TASP1: variants seen among roughly 807,000 people sequenced by gnomAD.
TASP1 encodes taspase 1.
A neutral mutation model predicts 56.6 loss-of-function variants in TASP1; 16 were observed. The observed-to-expected ratio is 0.28, with a 90% CI of 0.19 to 0.43. The LOEUF is 0.43. Among genes scored for constraint, TASP1 ranks in the 20% least tolerant of loss-of-function variants. The probability of loss-of-function intolerance (pLI) is 1.00; values close to 1 mark genes in which losing one functional copy is unlikely to be tolerated. For missense variants in TASP1, 393 were observed against 511.6 expected (o/e 0.77, Z 2.24); for synonymous variants, 179 against 184.2 (o/e 0.97, Z 0.23).
At chr20:13,139,276 T>C in the TASP1 span, among the ~76,000 whole-genome samples, 1 of 152,226 alleles carries the variant, frequency 6.6e-6, no homozygotes, top group Admixed American at 6.5e-5. Flanking sequence ...TATTGGGATT[T>C]TGAGTCTTTG....
At chr20:13,317,329 T>C in the TASP1 span, among the ~76,000 whole-genome samples, 3 of 151,974 alleles carry the variant, frequency 2.0e-5, no homozygotes, top group African/African-American at 7.2e-5. Flanking sequence ...ATACTCCATG[T>C]TAGGGAGGCT....
the TASP1 span, among the ~76,000 whole-genome samples, chr20:13,124,577 G>C: frequency 6.6e-6 from 1 of 152,080 alleles, no homozygotes; most frequent in Admixed American, 6.5e-5. Flanking sequence ...ACGGGTGAAA[G>C]GGGGGGATTC....
the TASP1 span, among the ~76,000 whole-genome samples, chr20:13,379,904 T>C: frequency 6.6e-6 from 1 of 152,248 alleles, no homozygotes; most frequent in Non-Finnish European, 1.5e-5. Flanking sequence ...GTTCTTGTGC[T>C]GGGTTTTTCA....
chr20:13,590,076 ACAAAAAT>A (rs2047464226), intron 4 of TASP1, among the ~76,000 whole-genome samples: 1 of 152,108 alleles, frequency 6.6e-6, no homozygotes, highest in South Asian at 2.1e-4. Context: ...TACTAACAAT[ACAAAAAT>A]CAGCTGGACA....
chr20:13,480,508 C>A (rs1407691890), intron 11 of TASP1, among the ~76,000 whole-genome samples: 2 of 152,214 alleles, frequency 1.3e-5, no homozygotes, highest in Non-Finnish European at 2.9e-5. Flanking sequence ...TTGCTCCTTT[C>A]CACGAGTCTG....
intron 7 of TASP1, among the ~76,000 whole-genome samples, chr20:13,562,309 G>T (rs1423861688): frequency 6.6e-6 from 1 of 151,860 alleles, no homozygotes; most frequent in Non-Finnish European, 1.5e-5. Flanking sequence ...AAATAAGAAA[G>T]ATTTCAAACA....
At chr20:13,234,412 C>G in the TASP1 span, among the ~76,000 whole-genome samples, 1 of 152,116 alleles carries the variant, frequency 6.6e-6, no homozygotes, top group Non-Finnish European at 1.5e-5. Flanking sequence ...GTGATATAAA[C>G]AGATGAGTGC....
chr20:13,608,037 T>C (rs2048221245), intron 4 of TASP1, among the ~76,000 whole-genome samples: 1 of 152,230 alleles, frequency 6.6e-6, no homozygotes, highest in African/African-American at 2.4e-5. Flanking sequence ...TTTAACCTTC[T>C]AAAGCTGAGA....
chr20:13,182,361 A>T, the TASP1 span, among the ~76,000 whole-genome samples: 3 of 152,258 alleles, frequency 2.0e-5, no homozygotes, highest in African/African-American at 7.2e-5. Context: ...CATATATTTT[A>T]TTATCATTGT....
intron 11 of TASP1, among the ~76,000 whole-genome samples, chr20:13,443,028 T>C (rs990914822): frequency 6.6e-6 from 1 of 152,182 alleles, no homozygotes; most frequent in Non-Finnish European, 1.5e-5. Flanking sequence ...GAGGACTGAA[T>C]TTGTATGTAT....
the TASP1 span, among the ~76,000 whole-genome samples, chr20:13,134,524 G>T: frequency 2.0e-5 from 3 of 152,124 alleles, no homozygotes; most frequent in African/African-American, 7.2e-5. Context: ...ATACAGCAGT[G>T]GTTCTCAAAG....
the TASP1 span, among the ~76,000 whole-genome samples, chr20:13,298,369 G>T: frequency 6.6e-6 from 1 of 152,200 alleles, no homozygotes; most frequent in African/African-American, 2.4e-5. Context: ...GCCCGCCTCA[G>T]CCTCCCAAAG....
At chr20:13,503,111 A>C (rs759523363) in intron 10 of TASP1, among the ~76,000 whole-genome samples, 4 of 152,040 alleles carry the variant, frequency 2.6e-5, no homozygotes, top group Non-Finnish European at 5.9e-5. Flanking sequence ...GTAGTTGAGG[A>C]GGTTAGGAGA....
the TASP1 span, among the ~76,000 whole-genome samples, chr20:13,182,565 C>T: frequency 3.3e-5 from 5 of 152,160 alleles, no homozygotes; most frequent in African/African-American, 4.8e-5. Context: ...AGCCTTAGGA[C>T]CCTCCTCCTG....
chr20:13,260,620 G>C, the TASP1 span, among the ~76,000 whole-genome samples: 1 of 148,750 alleles, frequency 6.7e-6, no homozygotes, highest in Non-Finnish European at 1.5e-5. Context: ...TTTTTTTGAA[G>C]TTAGTGTGAA....
At chr20:13,212,023 A>G in the TASP1 span, among the ~76,000 whole-genome samples, 1 of 152,264 alleles carries the variant, frequency 6.6e-6, no homozygotes, top group African/African-American at 2.4e-5. Context: ...ATACTAATGA[A>G]ATGGAGTGGG....
chr20:13,263,684 T>C, the TASP1 span, among the ~76,000 whole-genome samples: 1 of 151,920 alleles, frequency 6.6e-6, no homozygotes, highest in Non-Finnish European at 1.5e-5. Context: ...TAGAAGAAAA[T>C]GGAGTGTTTG....
intron 8 of TASP1, among the ~76,000 whole-genome samples, chr20:13,555,640 C>G (rs2046131594): frequency 6.6e-6 from 1 of 152,116 alleles, no homozygotes; most frequent in South Asian, 2.1e-4. Flanking sequence ...CTGAATCCCT[C>G]AAAGTCATCC....
chr20:13,260,928 C>G, the TASP1 span, among the ~76,000 whole-genome samples: 1 of 152,204 alleles, frequency 6.6e-6, no homozygotes, highest in African/African-American at 2.4e-5. Flanking sequence ...ATCTGAGTGA[C>G]TGGCCATTGG....
Sources: gnomAD v4.1 joint callset for allele counts (sites outside exome capture counted in the v4.1 genomes callset) on GRCh38, gnomAD v4.1.1 for gene constraint, MANE v1.5 for transcripts, NCBI Gene and HGNC (gene_info 2026-07-23, HGNC 2026-07-21) for gene names.